Variants in FAM178B observed in about 807,000 individuals in gnomAD.
FAM178B encodes the protein family with sequence similarity 178 member B, also known as protein FAM178B.
Under a neutral mutation model 91.7 loss-of-function variants are expected in FAM178B, and 82 were observed. The ratio of observed to expected loss-of-function variants is 0.89; its 90% CI spans 0.75 to 1.07. The LOEUF is 1.07. FAM178B is among the 50% of genes least tolerant of loss of function. FAM178B has a pLI of 0.00. For synonymous variants in FAM178B, 368 were observed against 359.4 expected (o/e 1.02, Z -0.27); for missense variants, 769 against 846.7 (o/e 0.91, Z 1.14).
chr2:96,975,208 T>C (rs981773126), intron 1 of FAM178B, among the ~76,000 whole-genome samples: 1 of 151,996 alleles, frequency 6.6e-6, no homozygotes, highest in African/African-American at 2.4e-5. Flanking sequence ...AGTTCTACTG[T>C]ATAACATGAC....
intron 5 of FAM178B, 108 bp from the exon 6 acceptor site, chr2:96,960,548 T>C: frequency 7.6e-7 from 1 of 1,310,142 alleles, no homozygotes; most frequent in Non-Finnish European, 1.0e-6. Flanking sequence ...CTCCCTGCCT[T>C]GCAGTCCTTG....
intron 12 of FAM178B, among the ~76,000 whole-genome samples, chr2:96,908,175 G>C (rs963986362): frequency 6.6e-6 from 1 of 152,204 alleles, no homozygotes; most frequent in Admixed American, 6.5e-5. Flanking sequence ...CAGACTGCCT[G>C]GTCATCCACA....
At position 96,920,780 on chromosome 2, in the gene FAM178B, T is replaced by TAGGCAGAAAAGAAAACAGAAGGA. The variant is rs370347297; in HGVS notation, c.1562+362_1562+384dup. Among the ~76,000 whole-genome samples, 757 of 152,190 alleles carry TAGGCAGAAAAGAAAACAGAAGGA rather than the reference T, an allele frequency of 5.0e-3. 7 individuals are homozygous for TAGGCAGAAAAGAAAACAGAAGGA. The highest frequency in any genetic ancestry group is 0.018 in the African/African-American group (729 of 41,494). On this transcript the variant is annotated intron_variant, in intron 12 of 16. Transcript: ENST00000490605. ...CATAATTTCTGGCATGGGTAAATGC[T>TAGGCAGAAAAGAAAACAGAAGGA]AGGCAGAAAAGAAAACAGAAGGATG...
chr2:96,952,987 G>C (rs375555817), intron 6 of FAM178B, among the ~76,000 whole-genome samples: 7 of 152,120 alleles, frequency 4.6e-5, no homozygotes, highest in African/African-American at 1.7e-4. Context: ...AATCTGCCAG[G>C]AACAGAATGC....
chr2:96,949,913 C>T (rs894833337), intron 7 of FAM178B: 107 of 932,270 alleles, frequency 1.1e-4, no homozygotes, highest in Non-Finnish European at 1.3e-4. Context: ...AGAGCTGATG[C>T]TAAGAAACCT....
chr2:96,962,059 T>C (rs1177215748), intron 5 of FAM178B, among the ~76,000 whole-genome samples: 3 of 152,132 alleles, frequency 2.0e-5, no homozygotes, highest in African/African-American at 7.2e-5. Context: ...CTCAGCACTA[T>C]GGGAGGCTGA....
chr2:96,900,139 C>G (rs2080899277), intron 13 of FAM178B, among the ~76,000 whole-genome samples: 1 of 152,126 alleles, frequency 6.6e-6, no homozygotes, highest in African/African-American at 2.4e-5. Flanking sequence ...GTGTCGCGCC[C>G]CCTCTGGCCT....
chr2:96,982,814 A>C (rs1445529547), intron 1 of FAM178B, among the ~76,000 whole-genome samples: 1 of 145,640 alleles, frequency 6.9e-6, no homozygotes, highest in Non-Finnish European at 1.5e-5. Context: ...TCCTGGGCTC[A>C]AGCAATCCTC....
intron 6 of FAM178B, among the ~76,000 whole-genome samples, chr2:96,955,230 A>G (rs2081982206): frequency 6.6e-6 from 1 of 151,114 alleles, no homozygotes; most frequent in Admixed American, 6.6e-5. Flanking sequence ...GCCATGCGAG[A>G]CCGGGTGCGG....
At chr2:96,882,680 AG>A in intron 14 of FAM178B, among the ~76,000 whole-genome samples, 1 of 152,184 alleles carries the variant, frequency 6.6e-6, no homozygotes, top group Middle Eastern at 3.2e-3. Flanking sequence ...TCTATACGCC[AG>A]AGGGAGGCCC....
intron 5 of FAM178B, among the ~76,000 whole-genome samples, chr2:96,961,898 C>T (rs1205669160): frequency 2.0e-5 from 3 of 152,224 alleles, no homozygotes; most frequent in Non-Finnish European, 4.4e-5. Flanking sequence ...CTGCGGGCTT[C>T]AGGAAGCATC....
At chr2:96,929,786 G>A (rs1254025248) in intron 8 of FAM178B, among the ~76,000 whole-genome samples, 1 of 152,204 alleles carries the variant, frequency 6.6e-6, no homozygotes, top group Admixed American at 6.5e-5. Context: ...CAACATTTGG[G>A]CATCCCTAGT....
At chr2:96,986,057 G>T (rs1472440821) in intron 1 of FAM178B, among the ~76,000 whole-genome samples, 184 bp downstream of exon 1, 1 of 152,200 alleles carries the variant, frequency 6.6e-6, no homozygotes, top group Non-Finnish European at 1.5e-5. Flanking sequence ...GGAGAGGAGG[G>T]CCCGGCTCAC....
At chr2:96,957,902 G>A (rs754058020) in intron 6 of FAM178B, among the ~76,000 whole-genome samples, 22 of 151,916 alleles carry the variant, frequency 1.4e-4, no homozygotes, top group South Asian at 2.1e-4. Flanking sequence ...ATTCCCCGCC[G>A]TATTATTTAT....
chr2:96,909,154 A>G (rs912119159), intron 12 of FAM178B, among the ~76,000 whole-genome samples: 2 of 117,594 alleles, frequency 1.7e-5, no homozygotes, highest in Non-Finnish European at 3.9e-5. Flanking sequence ...AAAAAAAAAA[A>G]AAAAAAGAAA....
At chr2:96,883,093 C>G (rs938093890) in intron 14 of FAM178B, among the ~76,000 whole-genome samples, 1 of 152,180 alleles carries the variant, frequency 6.6e-6, no homozygotes. Flanking sequence ...GGGGGCCGTG[C>G]CCTCCCCCTG....
At chr2:96,882,423 AGGCAGG>A (rs1049611359) in intron 14 of FAM178B, among the ~76,000 whole-genome samples, 3 of 152,214 alleles carry the variant, frequency 2.0e-5, no homozygotes, top group Non-Finnish European at 4.4e-5. Flanking sequence ...GGTGCAGGGC[AGGCAGG>A]GGTGGGCGAG....
At chr2:96,950,120 C>T in intron 7 of FAM178B, 3 of 985,486 alleles carry the variant, frequency 3.0e-6, no homozygotes, top group Non-Finnish European at 3.6e-6. Context: ...CCGACACGCC[C>T]CCGGGAAGGC....
intron 13 of FAM178B, chr2:96,898,057 A>G: frequency 1.0e-6 from 1 of 985,686 alleles, no homozygotes. Context: ...CCTGCCCAGC[A>G]GTGCCCTGCA....
Sources: allele counts gnomAD v4.1 joint callset (sites outside exome capture counted in the v4.1 genomes callset), GRCh38; gene constraint gnomAD v4.1.1; transcripts MANE v1.5; gene names NCBI Gene and HGNC (gene_info 2026-07-23, HGNC 2026-07-21).